Variants in YWHAE observed in about 807,000 individuals in gnomAD.
YWHAE encodes the protein 14-3-3 protein epsilon.
A neutral mutation model predicts 30.1 loss-of-function variants in YWHAE; 4 were observed. The observed-to-expected ratio is 0.13, with a 90% confidence interval of 0.07 to 0.30. The LOEUF is 0.30. Ranked by LOEUF, YWHAE falls within the 10% of genes least tolerant of loss-of-function variation. The probability of loss-of-function intolerance (pLI) is 1.00; values close to 1 mark genes in which losing one functional copy is unlikely to be tolerated. For missense variants in YWHAE, 121 were observed against 315.9 expected, an observed-to-expected ratio of 0.38 and a Z score of 4.68; for synonymous variants, 118 against 111.8, an observed-to-expected ratio of 1.06 and a Z score of -0.35.
chr17:1,381,891 C>T (rs543617269), intron 1 of YWHAE, among the ~76,000 whole-genome samples: 2 of 119,312 alleles, frequency 1.7e-5, no homozygotes, highest in East Asian at 2.4e-4. Flanking sequence ...CCAGCCTGCA[C>T]GAGAGAGCGA....
rs545599064 is a variant in YWHAE, at chr17:1,384,097, C to G, written c.64+15950G>C. 1.6e-4 allele frequency among the ~76,000 whole-genome samples: 25 copies of G among 152,176 alleles called. No individual in the cohort carries two copies. The South Asian group carries it at 3.9e-3, about 24-fold the overall frequency. On this transcript the variant is annotated intron_variant, in intron 1 of 5. Transcript: ENST00000264335. Reference sequence around the variant, plus strand: ...GCAGGTGCCTGTAATCCCAGCCACTCGGGAAGATGAGGCAGAGAACTGCTT... The same window carrying G: ...GCAGGTGCCTGTAATCCCAGCCACTGGGGAAGATGAGGCAGAGAACTGCTT...
chr17:1,392,936 C>A (rs1598273205), intron 1 of YWHAE, among the ~76,000 whole-genome samples: 4 of 151,892 alleles, frequency 2.6e-5, no homozygotes, highest in Admixed American at 2.6e-4. Context: ...GGGGTGGTGG[C>A]TCACGCCTAT....
intron 1 of YWHAE, among the ~76,000 whole-genome samples, chr17:1,374,255 T>C (rs982263193): frequency 6.6e-6 from 1 of 151,412 alleles, no homozygotes; most frequent in African/African-American, 2.4e-5. Context: ...GAGGCGGAGG[T>C]TGCAGTGACC....
At chr17:1,380,613 T>C (rs928922354) in intron 1 of YWHAE, among the ~76,000 whole-genome samples, 1 of 152,080 alleles carries the variant, frequency 6.6e-6, no homozygotes, top group African/African-American at 2.4e-5. Context: ...CAAGATTAAA[T>C]AACAAAAAAA....
At chr17:1,366,945 A>G (rs1454107549) in intron 1 of YWHAE, among the ~76,000 whole-genome samples, 1 of 152,170 alleles carries the variant, frequency 6.6e-6, no homozygotes, top group African/African-American at 2.4e-5. Flanking sequence ...CCGTTTCAAA[A>G]AAAAACACAA....
At chr17:1,399,424 T>A (rs1488985356) in intron 1 of YWHAE, 1 of 152,388 alleles carries the variant, frequency 6.6e-6, no homozygotes, top group African/African-American at 2.4e-5. Context: ...CTGCAGTGAT[T>A]CCCACTCACC....
intron 1 of YWHAE, among the ~76,000 whole-genome samples, chr17:1,394,446 A>C (rs1204928800): frequency 1.7e-4 from 25 of 148,676 alleles, no homozygotes; most frequent in African/African-American, 6.0e-4. Context: ...CAAAAAAAAA[A>C]AAAAAAAAAA....
chr17:1,397,071 T>G (rs1230522738), intron 1 of YWHAE, among the ~76,000 whole-genome samples: 1 of 151,130 alleles, frequency 6.6e-6, no homozygotes, highest in Non-Finnish European at 1.5e-5. Context: ...GGATAATTTT[T>G]TTATTTTTGT....
chr17:1,393,931 A>G (rs1227728985), intron 1 of YWHAE, among the ~76,000 whole-genome samples: 1 of 152,206 alleles, frequency 6.6e-6, no homozygotes, highest in East Asian at 1.9e-4. Flanking sequence ...AGGAAAGTGA[A>G]AAGATTTTGT....
Position 1,400,193 on chromosome 17 carries a change from C to G in YWHAE, c.-83G>C. 1 of 1,553,204 alleles carries G rather than the reference C, an allele frequency of 6.4e-7. No homozygotes were observed. The highest frequency in any genetic ancestry group is 1.1e-5 in the South Asian group (1 of 89,658). Reference sequence around the variant, plus strand: ...CTCTCTCAGCCTCTCGCTCCGCGTCCGGGCAGCAAAAATGGCGGCGCCTCA... The same window carrying G: ...CTCTCTCAGCCTCTCGCTCCGCGTCGGGGCAGCAAAAATGGCGGCGCCTCA... On this transcript the variant is annotated 5_prime_UTR_variant, in exon 1 of 6. Coordinates refer to ENST00000264335, the MANE Select transcript of YWHAE (RefSeq NM_006761.5).
At chr17:1,354,370 G>T in intron 4 of YWHAE, 23 bp from the exon 5 acceptor site, 1 of 1,602,328 alleles carries the variant, frequency 6.2e-7, no homozygotes, top group Non-Finnish European at 8.5e-7. Context: ...CAATAGAAGT[G>T]TTATAAAAAT....
chr17:1,389,548 T>G (rs1043674698), intron 1 of YWHAE, among the ~76,000 whole-genome samples: 4 of 151,072 alleles, frequency 2.6e-5, no homozygotes, highest in African/African-American at 9.7e-5. Context: ...TTTTTTTTTT[T>G]GAGATGGAGT....
intron 4 of YWHAE, among the ~76,000 whole-genome samples, chr17:1,356,368 G>C (rs938565753): frequency 1.3e-5 from 2 of 151,756 alleles, no homozygotes; most frequent in African/African-American, 4.8e-5. Context: ...AAAAACAAAA[G>C]AAGAAGAAGA....
At chr17:1,393,830 C>T (rs1413847436) in intron 1 of YWHAE, among the ~76,000 whole-genome samples, 2 of 152,056 alleles carry the variant, frequency 1.3e-5, no homozygotes, top group African/African-American at 2.4e-5. Flanking sequence ...TGCGAATAAA[C>T]ATTCTGAGAG....
intron 1 of YWHAE, among the ~76,000 whole-genome samples, chr17:1,393,516 C>T (rs2073420082): frequency 6.6e-6 from 1 of 152,112 alleles, no homozygotes; most frequent in South Asian, 2.1e-4. Flanking sequence ...CTGCAATCTC[C>T]ACCTCCCAGG....
At chr17:1,372,646 C>G (rs2073059288) in intron 1 of YWHAE, among the ~76,000 whole-genome samples, 5 of 152,062 alleles carry the variant, frequency 3.3e-5, no homozygotes. Flanking sequence ...GTAAGCCTAA[C>G]GGGAGGGAGA....
At chr17:1,362,285 T>C in intron 2 of YWHAE, among the ~76,000 whole-genome samples, 1 of 152,094 alleles carries the variant, frequency 6.6e-6, no homozygotes, top group East Asian at 1.9e-4. Context: ...AGTACCACAG[T>C]ACAGCTACAG....
intron 1 of YWHAE, among the ~76,000 whole-genome samples, chr17:1,376,838 A>C (rs2073132281): frequency 6.6e-6 from 1 of 152,236 alleles, no homozygotes; most frequent in Non-Finnish European, 1.5e-5. Context: ...CAAACTGTTC[A>C]GAATCTGCCA....
chr17:1,393,462 C>T (rs1011468544), intron 1 of YWHAE, among the ~76,000 whole-genome samples: 5 of 152,078 alleles, frequency 3.3e-5, no homozygotes, highest in Non-Finnish European at 4.4e-5. Flanking sequence ...ACAGGCTCTC[C>T]CTCTGTGGCC....
Sources: allele counts gnomAD v4.1 joint callset (sites outside exome capture counted in the v4.1 genomes callset), GRCh38; gene constraint gnomAD v4.1.1; transcripts MANE v1.5; gene names NCBI Gene and HGNC (gene_info 2026-07-23, HGNC 2026-07-21).